The following FER variants were observed in gnomAD, a reference collection of about 807,000 sequenced individuals.
FER encodes the protein FER tyrosine kinase.
A neutral mutation model predicts 111.0 loss-of-function variants in FER; 63 were observed. That is an observed-to-expected ratio of 0.57 (90% CI 0.46 to 0.70). The LOEUF is 0.70. Among genes scored for constraint, FER ranks in the 30% least tolerant of loss-of-function variants. FER has a pLI of 0.00. For missense variants in FER, 914 were observed against 954.0 expected (o/e 0.96, Z 0.55); for synonymous variants, 327 against 313.9 (o/e 1.04, Z -0.44).
At chr5:108,880,147 A>G (rs1765542730) in intron 8 of FER, among the ~76,000 whole-genome samples, 1 of 152,174 alleles carries the variant, frequency 6.6e-6, no homozygotes, top group Non-Finnish European at 1.5e-5. Context: ...GACACAAGGA[A>G]TGTGTTTAAT....
At chr5:109,138,189 A>G (rs1753120412) in intron 17 of FER, among the ~76,000 whole-genome samples, 1 of 152,208 alleles carries the variant, frequency 6.6e-6, no homozygotes, top group Admixed American at 6.5e-5. Flanking sequence ...GCAAAAAAGG[A>G]AAATGTTTCT....
chr5:108,824,690 T>C (rs1175858537), intron 3 of FER, among the ~76,000 whole-genome samples: 1 of 152,210 alleles, frequency 6.6e-6, no homozygotes, highest in Non-Finnish European at 1.5e-5. Context: ...AAACAAATGT[T>C]ATTGATCTTT....
At chr5:108,753,049 C>A (rs190960794) in intron 1 of FER, among the ~76,000 whole-genome samples, 12 of 152,110 alleles carry the variant, frequency 7.9e-5, no homozygotes, top group Admixed American at 4.6e-4. Context: ...ATTTTCTCAT[C>A]TATTCAATAG....
At chr5:109,092,900 T>C (rs181042616) in intron 16 of FER, among the ~76,000 whole-genome samples, 2 of 152,256 alleles carry the variant, frequency 1.3e-5, no homozygotes, top group East Asian at 3.9e-4. Context: ...ATGGGGTATA[T>C]ATATAAAATG....
At position 109,047,157 on chromosome 5, in the gene FER, C is replaced by T; in HGVS notation, c.1883C>T (p.Thr628Ile). Residue 628 changes from threonine (T) to isoleucine (I), a missense_variant, in exon 16 of 20, where the codon ACA becomes ATA. Around this residue, in one of 3 missense-constraint regions of FER, gnomAD observed 774 missense variants for 782.6 expected, o/e 0.99. Transcript: ENST00000281092. ...ATTGTCAAACTTATAGGAGTTTGCA[C>T]ACAAAGACAGCCTGTCTACATCATT... Reference protein sequence around the residue: ...PNIVKLIGVCTQRQPVYIIME... With the variant: ...PNIVKLIGVCIQRQPVYIIME... The T allele has an allele frequency of 1.2e-6, 2 of 1,608,976 alleles. No homozygotes were observed. Among genetic ancestry groups the T allele is most frequent in the Non-Finnish European group, 8.5e-7 (1 of 1,177,446 alleles).
At chr5:108,839,579 T>C (rs868146735) in intron 5 of FER, among the ~76,000 whole-genome samples, 23 of 142,670 alleles carry the variant, frequency 1.6e-4, no homozygotes, top group South Asian at 2.4e-4. Context: ...TTTCTTTTTT[T>C]TTTTTTTTTT....
chr5:108,835,995 C>A, intron 5 of FER, 188 bp downstream of exon 5: 1 of 344,756 alleles, frequency 2.9e-6, no homozygotes. Flanking sequence ...CTTTAAATGA[C>A]TCAAAGTATT....
At chr5:108,815,813 C>T (rs1758211959) in intron 3 of FER, among the ~76,000 whole-genome samples, 2 of 152,100 alleles carry the variant, frequency 1.3e-5, no homozygotes. Context: ...TCACATAATA[C>T]ATATATAATG....
chr5:109,034,035 A>G (rs954784230), intron 13 of FER, among the ~76,000 whole-genome samples: 1 of 152,142 alleles, frequency 6.6e-6, no homozygotes, highest in Non-Finnish European at 1.5e-5. Flanking sequence ...AAGTAGAAAT[A>G]CATTATTATT....
chr5:108,866,999 C>G (rs1218127297), intron 5 of FER, among the ~76,000 whole-genome samples: 1 of 152,094 alleles, frequency 6.6e-6, no homozygotes, highest in Non-Finnish European at 1.5e-5. Flanking sequence ...GCTTGATTTT[C>G]AAGTCATTCA....
chr5:108,824,770 G>A (rs1298725310), intron 3 of FER, among the ~76,000 whole-genome samples: 1 of 152,102 alleles, frequency 6.6e-6, no homozygotes, highest in Non-Finnish European at 1.5e-5. Context: ...AAATTGGAGA[G>A]TCACAGGTTT....
intron 5 of FER, among the ~76,000 whole-genome samples, chr5:108,850,145 A>G (rs1762413511): frequency 6.6e-6 from 1 of 151,928 alleles, no homozygotes; most frequent in Non-Finnish European, 1.5e-5. Flanking sequence ...CAGTGAGCCT[A>G]GATCGTGCCA....
chr5:108,748,590 G>C (rs1312989223), intron 1 of FER: 1 of 152,386 alleles, frequency 6.6e-6, no homozygotes, highest in South Asian at 2.1e-4. Context: ...CCGAGGCGGG[G>C]AGAGCGGCAC....
Position 109,187,555 on chromosome 5 carries a change from A to G in FER, c.2449A>G (p.Ile817Val). Residue 817 changes from isoleucine to valine, a missense_variant, in exon 20 of 20, where the codon ATC becomes GTC. Physicochemically the swap from Ile to Val is conservative, Grantham distance 29 (BLOSUM62 3). This residue lies in a region of FER where 134 missense variants were observed against 149.4 expected (regional missense o/e 0.90). Coordinates refer to ENST00000281092, the MANE Select transcript of FER (RefSeq NM_005246.4). ...TGAACTTCAGAAAGAGCTCACTATC[A>G]TCAAGAGAAAACTCACATAGTGACA... ...FSELQKELTI[I>V]KRKLT 6.2e-7 allele frequency: 1 copy of G among 1,614,144 alleles called. No homozygotes were observed. The highest frequency in any genetic ancestry group is 8.5e-7 in the Non-Finnish European group (1 of 1,180,006).
At chr5:109,145,176 C>T (rs1258750529) in intron 17 of FER, among the ~76,000 whole-genome samples, 2 of 152,000 alleles carry the variant, frequency 1.3e-5, no homozygotes, top group African/African-American at 2.4e-5. Flanking sequence ...TCCTGGTAAA[C>T]TTTCTGATAG....
intron 18 of FER, 63 bp downstream of exon 18, chr5:109,180,964 A>C (rs1401056766): frequency 6.3e-6 from 9 of 1,418,340 alleles, no homozygotes; most frequent in Non-Finnish European, 8.6e-6. Flanking sequence ...TAAAACATTC[A>C]CAAGCAATAT....
chr5:109,023,525 C>G (rs1178039931), intron 13 of FER, among the ~76,000 whole-genome samples: 1 of 151,996 alleles, frequency 6.6e-6, no homozygotes, highest in Non-Finnish European at 1.5e-5. Context: ...TCCAGTTGTG[C>G]CTTTTGTCGG....
At chr5:108,921,308 T>G (rs1270021153) in intron 10 of FER, among the ~76,000 whole-genome samples, 4 of 152,182 alleles carry the variant, frequency 2.6e-5, no homozygotes. Flanking sequence ...TATATGTACT[T>G]TGGTATGTAT....
At chr5:108,869,497 A>G (rs757796333) in intron 6 of FER, among the ~76,000 whole-genome samples, 3 of 152,134 alleles carry the variant, frequency 2.0e-5, no homozygotes, top group Non-Finnish European at 2.9e-5. Flanking sequence ...AGTTGAAATC[A>G]TTCTGGATTT....
Sources: allele counts gnomAD v4.1 joint callset (sites outside exome capture counted in the v4.1 genomes callset), GRCh38; gene constraint gnomAD v4.1.1; regional missense constraint gnomAD v4.1.1; transcripts MANE v1.5; gene names NCBI Gene and HGNC (gene_info 2026-07-23, HGNC 2026-07-21).